Variants in KIAA1217 observed in about 807,000 individuals in gnomAD.
The protein encoded by KIAA1217 is sickle tail protein homolog.
Under a neutral mutation model 163.9 loss-of-function variants are expected in KIAA1217, and 88 were observed. The observed-to-expected ratio is 0.54, with a 90% CI of 0.45 to 0.64. The LOEUF (loss-of-function observed/expected upper bound fraction) is 0.64. Ranked by LOEUF, KIAA1217 falls within the 30% of genes least tolerant of loss-of-function variation. KIAA1217 has a pLI of 0.00. For missense variants in KIAA1217, 2,372 were observed against 2,475.0 expected, an observed-to-expected ratio of 0.96 and a Z score of 0.88; for synonymous variants, 903 against 923.1, an observed-to-expected ratio of 0.98 and a Z score of 0.39.
intron 8 of KIAA1217, among the ~76,000 whole-genome samples, chr10:24,500,489 T>C (rs1378284911): frequency 6.6e-6 from 1 of 152,116 alleles, no homozygotes; most frequent in African/African-American, 2.4e-5. Context: ...ATTGTCCTTT[T>C]TAGAGTCCCC....
chr10:23,875,833 G>A (rs1389937130), intron 1 of KIAA1217, among the ~76,000 whole-genome samples: 1 of 151,388 alleles, frequency 6.6e-6, no homozygotes, highest in Admixed American at 6.6e-5. Flanking sequence ...ATCATTCTAA[G>A]CAAACTATCA....
At chr10:24,465,736 G>A (rs888909213) in intron 5 of KIAA1217, among the ~76,000 whole-genome samples, 2 of 152,166 alleles carry the variant, frequency 1.3e-5, no homozygotes, top group Non-Finnish European at 2.9e-5. Context: ...AAGTCACTTC[G>A]TGTTGTGGAC....
At chr10:24,216,250 G>C (rs2068801657) in intron 1 of KIAA1217, among the ~76,000 whole-genome samples, 1 of 152,110 alleles carries the variant, frequency 6.6e-6, no homozygotes, top group African/African-American at 2.4e-5. Flanking sequence ...TATTGTCCCG[G>C]CTGTCTTGAA....
At chr10:24,177,258 C>CATTTATAT (rs1224617801) in intron 2 of KIAA1217, among the ~76,000 whole-genome samples, 1 of 25,146 alleles carries the variant, frequency 4.0e-5, no homozygotes, top group African/African-American at 1.8e-4. Flanking sequence ...CTCTCACCAT[C>CATTTATAT]ATATATATAT....
chr10:24,517,138 G>A (rs2070308769), intron 10 of KIAA1217, among the ~76,000 whole-genome samples: 1 of 150,582 alleles, frequency 6.6e-6, no homozygotes, highest in African/African-American at 2.5e-5. Context: ...TCACACCACT[G>A]CACCCCAGCC....
In KIAA1217 at chr10:23,934,619, A is replaced by T. The variant is rs28375702; in HGVS notation, c.-320-72606A>T. 1.2e-3 allele frequency among the ~76,000 whole-genome samples: 79 copies of T among 64,642 alleles called. 8 individuals are homozygous for T. Among genetic ancestry groups the T allele is most frequent in the African/African-American group, 3.6e-3 (24 of 6,752 alleles). The allele number at this position is 64,642 out of a possible 152,430, so 42.4% of individuals were successfully genotyped here. On this transcript the variant is annotated intron_variant, in intron 1 of 18. Coordinates refer to the KIAA1217 transcript ENST00000376462. Reference sequence around the variant, plus strand: ...TATATATATATATGTATATATATATATATATATTTTTTTTTTGAGACGGAG... The same window carrying T: ...TATATATATATATGTATATATATATTTATATATTTTTTTTTTGAGACGGAG...
At chr10:23,953,844 C>T (rs192539500) in intron 1 of KIAA1217, among the ~76,000 whole-genome samples, 617 of 152,336 alleles carry the variant, frequency 4.1e-3, no homozygotes, top group Admixed American at 9.7e-3. Context: ...AGAAACTCCA[C>T]GGCTGACCTC....
At chr10:23,975,338 A>C (rs1260390063) in intron 1 of KIAA1217, among the ~76,000 whole-genome samples, 2 of 152,208 alleles carry the variant, frequency 1.3e-5, no homozygotes, top group African/African-American at 4.8e-5. Flanking sequence ...GCTGGCGGGC[A>C]GGCAGGACAC....
chr10:24,330,300 CAA>C (rs397846537), intron 2 of KIAA1217, among the ~76,000 whole-genome samples: 31 of 94,148 alleles, frequency 3.3e-4, no homozygotes, highest in Admixed American at 4.9e-4. Context: ...AACTCCATCT[CAA>C]AAAAAAAAAA....
At chr10:23,768,290 CTGG>C (rs1564403918) in intron 1 of KIAA1217, among the ~76,000 whole-genome samples, 1 of 150,834 alleles carries the variant, frequency 6.6e-6, no homozygotes, top group Non-Finnish European at 1.5e-5. Context: ...ACCCCCAATG[CTGG>C]ACACAGTGAC....
intron 2 of KIAA1217, among the ~76,000 whole-genome samples, chr10:24,299,058 C>G (rs1292615317): frequency 1.3e-5 from 2 of 152,068 alleles, no homozygotes; most frequent in Admixed American, 6.5e-5. Context: ...AAACACCTAG[C>G]ACAGAGTTGC....
At chr10:24,029,228 T>G (rs1246997687) in intron 2 of KIAA1217, among the ~76,000 whole-genome samples, 1 of 152,186 alleles carries the variant, frequency 6.6e-6, no homozygotes, top group African/African-American at 2.4e-5. Context: ...CTCATCTGGT[T>G]TTGTAAATTA....
chr10:24,024,005 G>A (rs1170011895), intron 2 of KIAA1217, among the ~76,000 whole-genome samples: 10 of 151,556 alleles, frequency 6.6e-5, no homozygotes, highest in Admixed American at 6.6e-4. Context: ...CTTCTGAGAG[G>A]CTGGACATAA....
At chr10:24,430,041 G>T (rs1350127339) in intron 3 of KIAA1217, among the ~76,000 whole-genome samples, 1 of 152,154 alleles carries the variant, frequency 6.6e-6, no homozygotes, top group Admixed American at 6.5e-5. Flanking sequence ...AGGTACTCAG[G>T]GGGCTGAGGT....
At chr10:23,768,831 T>C (rs1259846250) in intron 1 of KIAA1217, among the ~76,000 whole-genome samples, 1 of 152,088 alleles carries the variant, frequency 6.6e-6, no homozygotes, top group South Asian at 2.1e-4. Context: ...GAGCTATGGA[T>C]GATGTAGGTT....
At chr10:24,495,049 C>T (rs1008270914) in intron 7 of KIAA1217, 98 bp from the exon 8 acceptor site, 2 of 986,766 alleles carry the variant, frequency 2.0e-6, no homozygotes, top group African/African-American at 1.7e-5. Context: ...AATCCCATCA[C>T]TGCCAATTGC....
chr10:23,734,630 AGTTT>A (rs1472487588), intron 1 of KIAA1217, among the ~76,000 whole-genome samples: 1 of 151,932 alleles, frequency 6.6e-6, no homozygotes, highest in Non-Finnish European at 1.5e-5. Flanking sequence ...TCTAAACAAT[AGTTT>A]GTTTGATTTT....
At chr10:24,445,873 T>C (rs922275448) in intron 5 of KIAA1217, among the ~76,000 whole-genome samples, 23 of 152,314 alleles carry the variant, frequency 1.5e-4, no homozygotes, top group African/African-American at 5.5e-4. Flanking sequence ...CAGCGTGATT[T>C]ATAATCCTTT....
intron 1 of KIAA1217, among the ~76,000 whole-genome samples, chr10:23,751,187 C>T (rs1038620671): frequency 1.3e-5 from 2 of 151,922 alleles, no homozygotes; most frequent in South Asian, 2.1e-4. Context: ...GCCACCTTGC[C>T]GGGCTGAATT....
Sources: gnomAD v4.1 joint callset for allele counts (sites outside exome capture counted in the v4.1 genomes callset) on GRCh38, gnomAD v4.1.1 for gene constraint, MANE v1.5 for transcripts, NCBI Gene and HGNC (gene_info 2026-07-23, HGNC 2026-07-21) for gene names.